Variants in XRCC4 observed in about 807,000 individuals in gnomAD.
XRCC4 encodes X-ray repair cross complementing 4.
In XRCC4, 28 loss-of-function variants were observed where a neutral mutation model predicts 39.1. The observed-to-expected ratio is 0.72, with a 90% CI of 0.53 to 0.98. The LOEUF (loss-of-function observed/expected upper bound fraction) is 0.98, where lower values mean the gene tolerates loss of function less well. Ranked by LOEUF, XRCC4 falls within the 50% of genes least tolerant of loss-of-function variation. XRCC4 has a pLI of 0.00. For missense variants in XRCC4, 350 were observed against 376.4 expected, an observed-to-expected ratio of 0.93 and a Z score of 0.58; for synonymous variants, 123 against 126.4, an observed-to-expected ratio of 0.97 and a Z score of 0.18.
At chr5:83,079,956 G>A (rs1744861448) in intron 1 of XRCC4, among the ~76,000 whole-genome samples, 1 of 152,130 alleles carries the variant, frequency 6.6e-6, no homozygotes, top group African/African-American at 2.4e-5. Context: ...TGGCGCCAGT[G>A]CACAGGTGTC....
chr5:83,226,360 G>A (rs1326817474), intron 6 of XRCC4, among the ~76,000 whole-genome samples: 1 of 152,046 alleles, frequency 6.6e-6, no homozygotes, highest in East Asian at 1.9e-4. Context: ...AAACCCCTCT[G>A]GGGCTGGAGG....
At chr5:83,314,985 G>C (rs1219435317) in intron 7 of XRCC4, among the ~76,000 whole-genome samples, 4 of 152,118 alleles carry the variant, frequency 2.6e-5, no homozygotes, top group Admixed American at 2.6e-4. Context: ...ATTAAGCTTA[G>C]TGAGGAAGGC....
intron 2 of XRCC4, among the ~76,000 whole-genome samples, chr5:83,110,473 A>C (rs1020796790): frequency 6.6e-6 from 1 of 151,992 alleles, no homozygotes; most frequent in Admixed American, 6.6e-5. Context: ...CTAGTATAGT[A>C]TGTGTTGCAG....
At chr5:83,309,307 A>G (rs1381649780) in intron 7 of XRCC4, among the ~76,000 whole-genome samples, 1 of 130,874 alleles carries the variant, frequency 7.6e-6, no homozygotes, top group Non-Finnish European at 1.6e-5. Flanking sequence ...ATATATATAT[A>G]TATATATATA....
At chr5:83,347,222 G>T (rs111701225) in intron 7 of XRCC4, among the ~76,000 whole-genome samples, 2 of 152,040 alleles carry the variant, frequency 1.3e-5, no homozygotes, top group African/African-American at 4.8e-5. Flanking sequence ...TGTGTAGAAT[G>T]ATCACATTTT....
intron 7 of XRCC4, among the ~76,000 whole-genome samples, chr5:83,306,116 C>T (rs545952515): frequency 1.1e-3 from 135 of 117,908 alleles, no homozygotes; most frequent in Non-Finnish European, 2.1e-3. Flanking sequence ...AGTGAATTCT[C>T]TACTGAAGGT....
intron 3 of XRCC4, among the ~76,000 whole-genome samples, chr5:83,172,019 ATGT>A (rs1047576688): frequency 4.6e-5 from 7 of 152,180 alleles, no homozygotes; most frequent in Non-Finnish European, 8.8e-5. Flanking sequence ...AAATCTTAAA[ATGT>A]TGTTTTCTGT....
At chr5:83,193,857 A>AT (rs1216971837) in intron 3 of XRCC4, among the ~76,000 whole-genome samples, 6 of 152,052 alleles carry the variant, frequency 3.9e-5, no homozygotes, top group Non-Finnish European at 8.8e-5. Context: ...AAGTAAGCTT[A>AT]TTTTTTTCTC....
chr5:83,231,066 T>C (rs1216060602), intron 6 of XRCC4, among the ~76,000 whole-genome samples: 1 of 152,022 alleles, frequency 6.6e-6, no homozygotes, highest in East Asian at 1.9e-4. Context: ...TACATGTCTG[T>C]AAGGAGAGGC....
At chr5:83,173,867 G>T (rs1749836380) in intron 3 of XRCC4, among the ~76,000 whole-genome samples, 1 of 152,154 alleles carries the variant, frequency 6.6e-6, no homozygotes, top group African/African-American at 2.4e-5. Flanking sequence ...ATCCCTTTGG[G>T]AAGAGTTTAG....
intron 4 of XRCC4, among the ~76,000 whole-genome samples, chr5:83,202,621 G>A (rs944832202): frequency 2.0e-5 from 3 of 151,858 alleles, no homozygotes; most frequent in African/African-American, 7.3e-5. Flanking sequence ...TGGTATATAT[G>A]TGTGTGTGTG....
intron 3 of XRCC4, among the ~76,000 whole-genome samples, chr5:83,148,056 G>A (rs1748542816): frequency 1.3e-5 from 2 of 151,952 alleles, no homozygotes; most frequent in African/African-American, 2.4e-5. Flanking sequence ...CCAAAGTGCT[G>A]GACGTCATCT....
chr5:83,326,500 C>A (rs972891670), intron 7 of XRCC4, among the ~76,000 whole-genome samples: 1 of 151,880 alleles, frequency 6.6e-6, no homozygotes, highest in Non-Finnish European at 1.5e-5. Flanking sequence ...ATTTTAAAAT[C>A]CTTCTAACCA....
chr5:83,295,142 T>G (rs977006002), intron 7 of XRCC4, among the ~76,000 whole-genome samples: 2 of 152,068 alleles, frequency 1.3e-5, no homozygotes, highest in African/African-American at 4.8e-5. Context: ...TCTTTTTATA[T>G]ACTAATGTGC....
chr5:83,135,687 CTT>C (rs766216615), intron 3 of XRCC4, among the ~76,000 whole-genome samples: 4 of 151,956 alleles, frequency 2.6e-5, no homozygotes, highest in Non-Finnish European at 5.9e-5. Context: ...ATTCGCTAAT[CTT>C]TTCTTCTGCT....
intron 7 of XRCC4, among the ~76,000 whole-genome samples, chr5:83,270,507 C>A (rs1754103748): frequency 6.6e-6 from 1 of 152,072 alleles, no homozygotes; most frequent in Non-Finnish European, 1.5e-5. Flanking sequence ...TGACTGCAGC[C>A]TACTCCCTTT....
intron 7 of XRCC4, among the ~76,000 whole-genome samples, chr5:83,288,757 G>A (rs983413080): frequency 6.6e-6 from 1 of 151,666 alleles, no homozygotes; most frequent in African/African-American, 2.4e-5. Context: ...ACATGCCTAG[G>A]GATATGTTGG....
intron 1 of XRCC4, among the ~76,000 whole-genome samples, chr5:83,080,164 C>G (rs901414973): frequency 6.6e-6 from 1 of 152,126 alleles, no homozygotes; most frequent in Non-Finnish European, 1.5e-5. Context: ...ACAGTAGTCC[C>G]TCCTTATCTG....
At chr5:83,268,881 A>T (rs903922536) in intron 7 of XRCC4, among the ~76,000 whole-genome samples, 1 of 152,198 alleles carries the variant, frequency 6.6e-6, no homozygotes, top group East Asian at 1.9e-4. Context: ...AAGTAATGAG[A>T]TATTAATACA....
Sources: gnomAD v4.1 joint callset for allele counts (sites outside exome capture counted in the v4.1 genomes callset) on GRCh38, gnomAD v4.1.1 for gene constraint, MANE v1.5 for transcripts, NCBI Gene and HGNC (gene_info 2026-07-23, HGNC 2026-07-21) for gene names.